Variants in NXPE2 observed in about 807,000 individuals in gnomAD.
The protein encoded by NXPE2 is NXPE family member 2.
NXPE2 carries 34 observed loss-of-function variants against 34.4 expected under a neutral mutation model. That is an observed-to-expected ratio of 0.99 (90% CI 0.75 to 1.31). NXPE2 has a LOEUF of 1.31. NXPE2 is among the 40% of genes most tolerant of loss of function. The probability of loss-of-function intolerance (pLI) is 0.00; values close to 1 mark genes in which losing one functional copy is unlikely to be tolerated. For synonymous variants in NXPE2, 235 were observed against 231.3 expected, an observed-to-expected ratio of 1.02 and a Z score of -0.15; for missense variants, 649 against 672.5, an observed-to-expected ratio of 0.97 and a Z score of 0.39.
chr11:114,522,301 G>A, the NXPE2 span: 2 of 1,614,068 alleles, frequency 1.2e-6, no homozygotes, highest in South Asian at 1.1e-5. Context: ...GCTGGCCAAA[G>A]GTGATGACGA....
At chr11:114,580,796 T>G in the NXPE2 span, among the ~76,000 whole-genome samples, 331 of 152,234 alleles carry the variant, frequency 2.2e-3, 6 homozygotes, top group Non-Finnish European at 3.2e-4. Flanking sequence ...ACAACTAGTT[T>G]GGCTTGGGAA....
At chr11:114,635,062 C>T in the NXPE2 span, among the ~76,000 whole-genome samples, 2 of 151,786 alleles carry the variant, frequency 1.3e-5, no homozygotes, top group Non-Finnish European at 2.9e-5. Context: ...GGTAGTATGG[C>T]CATTTTCACG....
the NXPE2 span, among the ~76,000 whole-genome samples, chr11:114,654,059 A>G: frequency 6.6e-6 from 1 of 152,190 alleles, no homozygotes; most frequent in African/African-American, 2.4e-5. Flanking sequence ...GGTAATGACA[A>G]TGATACAAAG....
chr11:114,600,373 A>T, the NXPE2 span, among the ~76,000 whole-genome samples: 1 of 152,100 alleles, frequency 6.6e-6, no homozygotes, highest in Non-Finnish European at 1.5e-5. Context: ...TTATACATGA[A>T]ATGACCCATT....
At chr11:114,468,597 G>A in the NXPE2 span, among the ~76,000 whole-genome samples, 5 of 152,250 alleles carry the variant, frequency 3.3e-5, no homozygotes, top group East Asian at 9.6e-4. Context: ...AGATATTTTT[G>A]TTGGCACAAC....
the NXPE2 span, among the ~76,000 whole-genome samples, chr11:114,718,347 A>T: frequency 1.3e-5 from 2 of 152,232 alleles, no homozygotes; most frequent in African/African-American, 4.8e-5. Context: ...GGTACCCAAT[A>T]ATATAAGCTA....
chr11:114,635,710 C>G, the NXPE2 span, among the ~76,000 whole-genome samples: 2 of 151,924 alleles, frequency 1.3e-5, no homozygotes, highest in African/African-American at 4.8e-5. Context: ...TTTTCTGCAT[C>G]TATTGAGATA....
At chr11:114,665,091 A>T in the NXPE2 span, among the ~76,000 whole-genome samples, 10 of 152,312 alleles carry the variant, frequency 6.6e-5, no homozygotes, top group South Asian at 2.1e-3. Context: ...ATTCCCATTT[A>T]TCAAACAAAA....
the NXPE2 span, among the ~76,000 whole-genome samples, chr11:114,579,906 T>G: frequency 1.3e-5 from 2 of 152,216 alleles, no homozygotes; most frequent in Non-Finnish European, 2.9e-5. Flanking sequence ...GTGTGAATTC[T>G]GCAGAGATAG....
the NXPE2 span, among the ~76,000 whole-genome samples, chr11:114,540,032 G>C: frequency 3.3e-5 from 5 of 152,156 alleles, no homozygotes; most frequent in Non-Finnish European, 7.3e-5. Context: ...ACATCAGTAA[G>C]TATTTCTTAA....
chr11:114,734,933 CCT>C, the NXPE2 span, among the ~76,000 whole-genome samples: 1 of 152,072 alleles, frequency 6.6e-6, no homozygotes, highest in African/African-American at 2.4e-5. Flanking sequence ...ATGGTGAAAC[CCT>C]GTCTCCACTA....
chr11:114,584,349 G>T, the NXPE2 span: 1 of 436,598 alleles, frequency 2.3e-6, no homozygotes. Context: ...TTAAACAGTG[G>T]CTGTTTGAGA....
chr11:114,802,224 C>T, the NXPE2 span, among the ~76,000 whole-genome samples: 2 of 152,174 alleles, frequency 1.3e-5, no homozygotes, highest in South Asian at 2.1e-4. Context: ...TCTACAGTGC[C>T]ATTGGAGTGC....
At chr11:114,582,264 G>T in the NXPE2 span, 3 of 1,535,008 alleles carry the variant, frequency 2.0e-6, no homozygotes, top group East Asian at 4.5e-5. Context: ...TGCACAGGTA[G>T]TCTCAAGAAG....
At chr11:114,495,946 C>T in the NXPE2 span, among the ~76,000 whole-genome samples, 2 of 152,070 alleles carry the variant, frequency 1.3e-5, no homozygotes, top group African/African-American at 2.4e-5. Context: ...ATAAGTCTCT[C>T]CTGGAGCTGC....
the NXPE2 span, among the ~76,000 whole-genome samples, chr11:114,800,862 T>C: frequency 2.0e-4 from 30 of 151,304 alleles, no homozygotes; most frequent in South Asian, 1.7e-3. Context: ...ATGTAGTAAA[T>C]GCTCAATAAA....
the NXPE2 span, among the ~76,000 whole-genome samples, chr11:114,519,916 G>A: frequency 2.4e-5 from 3 of 127,390 alleles, no homozygotes; most frequent in African/African-American, 1.1e-4. Context: ...TTTTGAGACA[G>A]AGTCTCGCTC....
chr11:114,552,856 T>A, the NXPE2 span: 14 of 975,638 alleles, frequency 1.4e-5, no homozygotes, highest in Non-Finnish European at 1.6e-5. Flanking sequence ...ACTTACCCAA[T>A]AGGTGTCAGG....
At chr11:114,497,370 G>A in the NXPE2 span, among the ~76,000 whole-genome samples, 14 of 152,102 alleles carry the variant, frequency 9.2e-5, no homozygotes, top group African/African-American at 3.1e-4. Flanking sequence ...CTAGGCCTTC[G>A]CATTTACTCA....
Sources: allele counts gnomAD v4.1 joint callset (sites outside exome capture counted in the v4.1 genomes callset), GRCh38; gene constraint gnomAD v4.1.1; transcripts MANE v1.5; gene names NCBI Gene and HGNC (gene_info 2026-07-23, HGNC 2026-07-21).